The following KCNJ15 variants were observed in gnomAD, a reference collection of about 807,000 sequenced individuals.
KCNJ15 encodes the protein potassium inwardly rectifying channel subfamily J member 15.
In KCNJ15, 14 loss-of-function variants were observed where a neutral mutation model predicts 23.0. The ratio of observed to expected loss-of-function variants is 0.61; its 90% CI spans 0.40 to 0.95. KCNJ15 has a LOEUF of 0.95. KCNJ15 is among the 40% of genes least tolerant of loss of function. KCNJ15 has a pLI of 0.00. For missense variants in KCNJ15, 388 were observed against 461.8 expected (o/e 0.84, Z 1.46); for synonymous variants, 185 against 183.2 (o/e 1.01, Z -0.08).
intron 1 of KCNJ15, among the ~76,000 whole-genome samples, chr21:38,230,737 A>G (rs1033419984): frequency 2.6e-5 from 4 of 152,134 alleles, no homozygotes; most frequent in East Asian, 1.9e-4. Flanking sequence ...ACTTATTGAA[A>G]TTAAGTAGTT....
At chr21:38,238,530 T>A in intron 1 of KCNJ15, 3 of 639,866 alleles carry the variant, frequency 4.7e-6, no homozygotes, top group Non-Finnish European at 5.9e-6. Context: ...TCTCCGGCAA[T>A]GCCACCGGGA....
intron 1 of KCNJ15, among the ~76,000 whole-genome samples, chr21:38,273,600 C>A (rs571865798): frequency 6.6e-6 from 1 of 152,288 alleles, no homozygotes; most frequent in East Asian, 1.9e-4. Context: ...TTTCTCCCAC[C>A]AGAATTTAGG....
At chr21:38,282,222 C>T (rs565496861) in intron 1 of KCNJ15, among the ~76,000 whole-genome samples, 9 of 152,188 alleles carry the variant, frequency 5.9e-5, no homozygotes, top group East Asian at 3.9e-4. Flanking sequence ...CAATTGAATA[C>T]TTCTATCATT....
At chr21:38,247,228 GGATT>G (rs1395549119) in intron 1 of KCNJ15, among the ~76,000 whole-genome samples, 2 of 145,058 alleles carry the variant, frequency 1.4e-5, no homozygotes, top group African/African-American at 5.6e-5. Flanking sequence ...ATGGATAAAT[GGATT>G]GATGGATGGA....
At chr21:38,247,917 G>A (rs1407529430) in intron 1 of KCNJ15, among the ~76,000 whole-genome samples, 1 of 152,184 alleles carries the variant, frequency 6.6e-6, no homozygotes, top group African/African-American at 2.4e-5. Flanking sequence ...ACACTAGAAA[G>A]CACCTTGCTG....
In KCNJ15 at chr21:38,299,249, C is replaced by G; in HGVS notation, c.-13C>G. 6.2e-7 allele frequency: 1 copy of G among 1,601,642 alleles called. No individual in the cohort carries two copies. The highest frequency in any genetic ancestry group is 1.1e-5 in the South Asian group (1 of 89,806). ...ATCTTTGTCATTTCTCTAAGTGTTT[C>G]CAGAGCCTGGCAATGGATGCCATTC... On this transcript the variant is annotated 5_prime_UTR_variant, in exon 3 of 3. Transcript: ENST00000398938. The surrounding 1 kb of genome is among the most constrained non-coding windows in gnomAD (Gnocchi z 4.5).
intron 1 of KCNJ15, among the ~76,000 whole-genome samples, chr21:38,244,923 T>C (rs530184779): frequency 2.0e-5 from 3 of 152,224 alleles, no homozygotes; most frequent in Admixed American, 2.0e-4. Flanking sequence ...ACGAACCAGA[T>C]TGTGGCCTTG....
chr21:38,292,941 C>T (rs1352444960), intron 1 of KCNJ15, among the ~76,000 whole-genome samples: 2 of 149,458 alleles, frequency 1.3e-5, no homozygotes, highest in Non-Finnish European at 3.0e-5. Context: ...TGCACTCCAG[C>T]CTGCGTGACA....
upstream of KCNJ15, among the ~76,000 whole-genome samples, chr21:38,253,857 C>A (rs8129186): frequency 0.59 from 89,531 of 152,016 alleles, 28,473 homozygotes; most frequent in African/African-American, 0.82. Context: ...AGAGTCTTTC[C>A]GTTAACTGTG....
At chr21:38,247,450 A>T (rs1271255302) in intron 1 of KCNJ15, among the ~76,000 whole-genome samples, 1 of 151,756 alleles carries the variant, frequency 6.6e-6, no homozygotes, top group Non-Finnish European at 1.5e-5. Flanking sequence ...AGGTGGATGG[A>T]TGTATGGATG....
At chr21:38,234,649 A>G (rs1978483175) in intron 1 of KCNJ15, among the ~76,000 whole-genome samples, 3 of 152,350 alleles carry the variant, frequency 2.0e-5, no homozygotes, top group Non-Finnish European at 4.4e-5. Context: ...AACTGCTTCA[A>G]TGTCTGATAT....
chr21:38,274,250 A>C (rs1376432661), intron 1 of KCNJ15, among the ~76,000 whole-genome samples: 2 of 152,130 alleles, frequency 1.3e-5, no homozygotes, highest in African/African-American at 4.8e-5. Context: ...TCCTTTCTTC[A>C]TCTCTTGTTG....
chr21:38,288,026 C>CTCTT (rs1984109386), intron 1 of KCNJ15, among the ~76,000 whole-genome samples: 1 of 78,170 alleles, frequency 1.3e-5, no homozygotes. Context: ...TTGTTTTTTT[C>CTCTT]TTTGTTTTTT....
chr21:38,245,222 C>T (rs1439094193), intron 1 of KCNJ15, among the ~76,000 whole-genome samples: 1 of 152,050 alleles, frequency 6.6e-6, no homozygotes, highest in African/African-American at 2.4e-5. Flanking sequence ...AAAGTCCTCT[C>T]TGTGTGGCCA....
At chr21:38,233,216 A>G (rs1441988227) in intron 1 of KCNJ15, among the ~76,000 whole-genome samples, 3 of 151,790 alleles carry the variant, frequency 2.0e-5, no homozygotes, top group Non-Finnish European at 4.4e-5. Context: ...CCTTATCTCC[A>G]CTAATATTTT....
intron 1 of KCNJ15, among the ~76,000 whole-genome samples, chr21:38,267,994 G>A (rs371199918): frequency 6.6e-5 from 10 of 152,284 alleles, no homozygotes; most frequent in African/African-American, 2.2e-4. Context: ...CAACTCAGGC[G>A]CCTTCTGAAC....
intron 1 of KCNJ15, among the ~76,000 whole-genome samples, chr21:38,236,941 A>T (rs1978645431): frequency 6.6e-6 from 1 of 152,214 alleles, no homozygotes; most frequent in South Asian, 2.1e-4. Context: ...GTCCAGAAGC[A>T]GACAGTCTAT....
chr21:38,298,935 A>G (rs1294011552), intron 2 of KCNJ15, among the ~76,000 whole-genome samples: 1 of 150,296 alleles, frequency 6.7e-6, no homozygotes, highest in Non-Finnish European at 1.5e-5. Flanking sequence ...AAAACCCCTG[A>G]GGAATAGGTT....
At chr21:38,269,354 C>T (rs928842911) in intron 1 of KCNJ15, among the ~76,000 whole-genome samples, 1 of 152,162 alleles carries the variant, frequency 6.6e-6, no homozygotes, top group African/African-American at 2.4e-5. Flanking sequence ...CCTATAGCCA[C>T]TCAAACTTGT....
Sources: allele counts gnomAD v4.1 joint callset (sites outside exome capture counted in the v4.1 genomes callset), GRCh38; gene constraint gnomAD v4.1.1; non-coding constraint Gnocchi (gnomAD v3.1); transcripts MANE v1.5; gene names NCBI Gene and HGNC (gene_info 2026-07-23, HGNC 2026-07-21).